PDE10A: variants seen among roughly 807,000 people sequenced by gnomAD.
The protein encoded by PDE10A is phosphodiesterase 10A, also known as cAMP and cAMP-inhibited cGMP 3',5'-cyclic phosphodiesterase 10A.
A neutral mutation model predicts 97.7 loss-of-function variants in PDE10A; 39 were observed. That is an observed-to-expected ratio of 0.40 (90% CI 0.31 to 0.52). The LOEUF (loss-of-function observed/expected upper bound fraction) is 0.52. Ranked by LOEUF, PDE10A falls within the 20% of genes least tolerant of loss-of-function variation. The pLI is 0.56. For missense variants in PDE10A, 731 were observed against 1,047.8 expected, an observed-to-expected ratio of 0.70 and a Z score of 4.17; for synonymous variants, 371 against 376.8, an observed-to-expected ratio of 0.98 and a Z score of 0.18.
chr6:165,742,733 A>G (rs1233801628), intron 1 of PDE10A, among the ~76,000 whole-genome samples: 1 of 152,146 alleles, frequency 6.6e-6, no homozygotes, highest in Non-Finnish European at 1.5e-5. Flanking sequence ...AAGTGGTCCC[A>G]GCTACCCTGC....
chr6:165,713,717 A>G lies in PDE10A; in HGVS notation c.-614-170149T>C, dbSNP rs375596319. Among the ~76,000 whole-genome samples, 4 of 152,216 alleles carry G rather than the reference A, an allele frequency of 2.6e-5. No individual in the cohort carries two copies. In the East Asian group the frequency reaches 7.7e-4, roughly 29 times the overall value. On this transcript the variant is annotated intron_variant, in intron 1 of 19. Transcript: ENST00000366882. ...GGAGAGAAACAGGACTTCTGTGTGT[A>G]GTGTGTCTGAGTGTAATTATCAACT...
intron 1 of PDE10A, among the ~76,000 whole-genome samples, chr6:165,804,151 C>T (rs536561330): frequency 6.6e-6 from 1 of 152,174 alleles, no homozygotes; most frequent in African/African-American, 2.4e-5. Flanking sequence ...AACAACACAT[C>T]GGTTTAAAAA....
At chr6:165,734,957 G>GATAGATAA (rs1792527982) in intron 1 of PDE10A, among the ~76,000 whole-genome samples, 1 of 107,076 alleles carries the variant, frequency 9.3e-6, no homozygotes, top group Non-Finnish European at 1.9e-5. Context: ...AAAGTAGATA[G>GATAGATAA]ATAGATAGAT....
At chr6:165,350,627 T>C (rs1782630340) in intron 18 of PDE10A, among the ~76,000 whole-genome samples, 1 of 152,188 alleles carries the variant, frequency 6.6e-6, no homozygotes, top group Admixed American at 6.5e-5. Context: ...CAGAATGATA[T>C]GGTTTGGCTG....
At chr6:165,684,779 A>C (rs1267951571) in intron 1 of PDE10A, among the ~76,000 whole-genome samples, 1 of 152,260 alleles carries the variant, frequency 6.6e-6, no homozygotes, top group Non-Finnish European at 1.5e-5. Flanking sequence ...TTTTCTTATG[A>C]AAATTACAAT....
chr6:165,962,056 G>C (rs74920261), intron 1 of PDE10A, among the ~76,000 whole-genome samples: 3 of 152,200 alleles, frequency 2.0e-5, no homozygotes, highest in Admixed American at 2.0e-4. Flanking sequence ...ATAGAAACAC[G>C]AGGAAATCGA....
intron 1 of PDE10A, among the ~76,000 whole-genome samples, chr6:165,638,405 A>T (rs1423125340): frequency 8.7e-6 from 1 of 114,646 alleles, no homozygotes; most frequent in African/African-American, 2.6e-5. Flanking sequence ...AGAGGGTGGA[A>T]GGAGTCGTTT....
chr6:165,564,890 T>C (rs1322523169), intron 1 of PDE10A, among the ~76,000 whole-genome samples: 1 of 152,232 alleles, frequency 6.6e-6, no homozygotes, highest in Non-Finnish European at 1.5e-5. Flanking sequence ...AGAGTAAGTA[T>C]AAATAGCTAG....
At chr6:165,339,430 T>C in intron 19 of PDE10A, 72 bp from the exon 20 acceptor site, 1 of 879,250 alleles carries the variant, frequency 1.1e-6, no homozygotes, top group South Asian at 1.4e-5. Flanking sequence ...ATTATTGAAT[T>C]ATTCCCTTTA....
chr6:165,971,083 G>A (rs1337463191), intron 1 of PDE10A, among the ~76,000 whole-genome samples: 1 of 152,248 alleles, frequency 6.6e-6, no homozygotes, highest in African/African-American at 2.4e-5. Context: ...GGGAGGCAGA[G>A]GTTGCAGTGA....
intron 1 of PDE10A, among the ~76,000 whole-genome samples, chr6:165,864,809 A>G (rs1259798955): frequency 6.6e-6 from 1 of 152,234 alleles, no homozygotes; most frequent in Non-Finnish European, 1.5e-5. Context: ...TTATGTGACC[A>G]TGAAAAACAT....
At chr6:165,707,340 G>C (rs1791737841) in intron 1 of PDE10A, among the ~76,000 whole-genome samples, 3 of 152,186 alleles carry the variant, frequency 2.0e-5, no homozygotes, top group Admixed American at 6.5e-5. Context: ...TCGGGGCCCT[G>C]CACAGAGCAG....
At chr6:165,619,664 CTAGTGTAGTGTAGTCTAGTG>C (rs1788020490) in intron 1 of PDE10A, among the ~76,000 whole-genome samples, 6 of 104,968 alleles carry the variant, frequency 5.7e-5, no homozygotes, top group South Asian at 5.1e-4. Context: ...GTAGTATAGT[CTAGTGTAGTGTAGTCTAGTG>C]TAGTGTAGTG....
chr6:165,916,234 C>T (rs1361016697), intron 1 of PDE10A, among the ~76,000 whole-genome samples: 5 of 152,212 alleles, frequency 3.3e-5, no homozygotes. Context: ...TTCTGCAAAA[C>T]CTGCCAGTAC....
chr6:165,692,185 C>T (rs907598970), intron 1 of PDE10A, among the ~76,000 whole-genome samples: 3 of 152,122 alleles, frequency 2.0e-5, no homozygotes, highest in African/African-American at 4.8e-5. Context: ...CACAGGAAGG[C>T]GTGGGCTTAT....
intron 1 of PDE10A, among the ~76,000 whole-genome samples, chr6:165,619,389 A>AGTG (rs1562634641): frequency 9.8e-4 from 3 of 3,064 alleles, no homozygotes; most frequent in Non-Finnish European, 1.9e-3. Flanking sequence ...GTAGTCTAGT[A>AGTG]TAGTGTAGTG....
chr6:165,942,448 C>T (rs1226840194), intron 1 of PDE10A, among the ~76,000 whole-genome samples: 1 of 152,116 alleles, frequency 6.6e-6, no homozygotes, highest in Non-Finnish European at 1.5e-5. Flanking sequence ...CTTTAGTGCC[C>T]CTTTGCACCC....
chr6:165,589,156 A>C (rs985443577), intron 1 of PDE10A, among the ~76,000 whole-genome samples: 1 of 152,212 alleles, frequency 6.6e-6, no homozygotes, highest in African/African-American at 2.4e-5. Flanking sequence ...AAACATACAG[A>C]GCATGCAAAG....
At chr6:165,419,295 C>T (rs1281357600) in intron 10 of PDE10A, among the ~76,000 whole-genome samples, 1 of 152,218 alleles carries the variant, frequency 6.6e-6, no homozygotes, top group Non-Finnish European at 1.5e-5. Flanking sequence ...TTTGCATTAG[C>T]TGAGTTTTAT....
Sources: allele counts gnomAD v4.1 joint callset (sites outside exome capture counted in the v4.1 genomes callset), GRCh38; gene constraint gnomAD v4.1.1; transcripts MANE v1.5; gene names NCBI Gene and HGNC (gene_info 2026-07-23, HGNC 2026-07-21).